SORBS2: variants seen among roughly 807,000 people sequenced by gnomAD.
SORBS2 encodes sorbin and SH3 domain containing 2.
SORBS2 carries 46 observed loss-of-function variants against 97.7 expected under a neutral mutation model. That is an observed-to-expected ratio of 0.47 (90% CI 0.37 to 0.60). SORBS2 has a LOEUF of 0.60. SORBS2 is among the 20% of genes least tolerant of loss of function. SORBS2 has a pLI of 0.00. For missense variants in SORBS2, 1,316 were observed against 1,282.3 expected (o/e 1.03, Z -0.40); for synonymous variants, 476 against 473.4 (o/e 1.01, Z -0.07).
intron 1 of SORBS2, among the ~76,000 whole-genome samples, chr4:185,891,508 T>G (rs1166403248): frequency 6.6e-6 from 1 of 152,224 alleles, no homozygotes; most frequent in Non-Finnish European, 1.5e-5. Context: ...CAATTATTTC[T>G]GCAGATAGCA....
intron 4 of SORBS2, among the ~76,000 whole-genome samples, chr4:185,670,742 T>C (rs1196445188): frequency 1.3e-5 from 2 of 151,724 alleles, no homozygotes; most frequent in East Asian, 1.9e-4. Flanking sequence ...TTAGGGAAAA[T>C]GTGCCCCCTC....
At chr4:185,768,295 G>T (rs565248451) in intron 2 of SORBS2, among the ~76,000 whole-genome samples, 1 of 152,120 alleles carries the variant, frequency 6.6e-6, no homozygotes, top group Non-Finnish European at 1.5e-5. Context: ...AATGCACAAT[G>T]TTCTCACGTC....
chr4:185,765,662 T>C (rs576028314), intron 2 of SORBS2, among the ~76,000 whole-genome samples: 1 of 152,322 alleles, frequency 6.6e-6, no homozygotes, highest in East Asian at 1.9e-4. Context: ...TCTAAATTAA[T>C]TTCCAAATAT....
intron 2 of SORBS2, among the ~76,000 whole-genome samples, chr4:185,688,792 A>G (rs1163960130): frequency 8.3e-6 from 1 of 120,666 alleles, no homozygotes; most frequent in African/African-American, 2.6e-5. Flanking sequence ...GTTTTTATAA[A>G]AACATTATAA....
At chr4:185,908,286 T>C (rs1208642011) in intron 1 of SORBS2, among the ~76,000 whole-genome samples, 3 of 24,882 alleles carry the variant, frequency 1.2e-4, no homozygotes, top group Non-Finnish European at 2.6e-4. Context: ...GCTATATATA[T>C]ATATATATAT....
At chr4:185,747,496 T>C (rs962950148) in intron 2 of SORBS2, among the ~76,000 whole-genome samples, 1 of 152,142 alleles carries the variant, frequency 6.6e-6, no homozygotes, top group African/African-American at 2.4e-5. Flanking sequence ...TGCTCAGGGG[T>C]ACCTGGCCCC....
At chr4:185,622,412 C>A (rs1442000944) in intron 7 of SORBS2, among the ~76,000 whole-genome samples, 4 of 152,198 alleles carry the variant, frequency 2.6e-5, no homozygotes, top group Non-Finnish European at 5.9e-5. Context: ...ACCCTAATTT[C>A]TTTGTGTCCA....
intron 12 of SORBS2, among the ~76,000 whole-genome samples, chr4:185,600,239 C>T (rs1035637063): frequency 1.2e-4 from 19 of 152,230 alleles, no homozygotes; most frequent in African/African-American, 4.6e-4. Flanking sequence ...CACCAGCTGC[C>T]ATCTTAACAT....
chr4:185,658,456 A>G (rs904140082), upstream of SORBS2, among the ~76,000 whole-genome samples: 3 of 152,184 alleles, frequency 2.0e-5, no homozygotes, highest in Non-Finnish European at 4.4e-5. Flanking sequence ...TATGATTAAT[A>G]ATATGCCTTT....
Position 185,606,875 on chromosome 4 carries a change from C to T in SORBS2, c.2796+4905G>A. The T allele has an allele frequency of 2.0e-6, 2 of 987,470 alleles. No individual in the cohort carries two copies. The highest frequency in any genetic ancestry group is 9.3e-5 in the South Asian group (2 of 21,424). The allele number at this position is 987,470 out of a possible 1,614,324, so 61.2% of individuals were successfully genotyped here. A position where few individuals can be genotyped will look rare whatever the true frequency, so the allele number is the denominator to read the frequency against. On this transcript the variant is annotated intron_variant, in intron 12 of 14. Coordinates refer to ENST00000418609, the Ensembl canonical transcript of SORBS2. The surrounding 1 kb of genome is among the most constrained non-coding windows in gnomAD (Gnocchi z 4.3). ...GAACCCACGCTGGTGCACGCAGAGG[C>T]CACAAAATTATCCCCTAGGACTTCT...
At chr4:185,683,850 T>G (rs924369990) in intron 2 of SORBS2, among the ~76,000 whole-genome samples, 1 of 152,184 alleles carries the variant, frequency 6.6e-6, no homozygotes, top group Admixed American at 6.5e-5. Context: ...CCCTGAGTAT[T>G]TAATCAACTT....
chr4:185,925,542 T>C (rs2099263183), intron 1 of SORBS2, among the ~76,000 whole-genome samples: 1 of 152,232 alleles, frequency 6.6e-6, no homozygotes, highest in South Asian at 2.1e-4. Context: ...CATAGTCGCA[T>C]ATTCAAAATA....
chr4:185,841,485 A>G (rs1291864540), intron 1 of SORBS2, among the ~76,000 whole-genome samples: 1 of 152,224 alleles, frequency 6.6e-6, no homozygotes, highest in Non-Finnish European at 1.5e-5. Flanking sequence ...TGAAGGTGCC[A>G]GAGCCCCAGA....
At chr4:185,805,935 T>C (rs1042847388) in intron 1 of SORBS2, among the ~76,000 whole-genome samples, 6 of 152,196 alleles carry the variant, frequency 3.9e-5, no homozygotes, top group African/African-American at 9.6e-5. Flanking sequence ...ACTGAAATAA[T>C]TGGGTGTGAA....
chr4:185,736,419 C>T (rs2098688144), intron 2 of SORBS2, among the ~76,000 whole-genome samples: 1 of 152,122 alleles, frequency 6.6e-6, no homozygotes, highest in Non-Finnish European at 1.5e-5. Context: ...AGAAGCCTGA[C>T]CACAAAGCAA....
intron 1 of SORBS2, among the ~76,000 whole-genome samples, chr4:185,780,274 C>T (rs1362902100): frequency 2.6e-5 from 4 of 152,132 alleles, no homozygotes; most frequent in Non-Finnish European, 4.4e-5. Flanking sequence ...CTCAGCCTCC[C>T]AAAGTGCTGG....
chr4:185,884,203 C>A (rs2099238223), intron 1 of SORBS2, among the ~76,000 whole-genome samples: 1 of 152,106 alleles, frequency 6.6e-6, no homozygotes, highest in Non-Finnish European at 1.5e-5. Context: ...CCTCAATAAA[C>A]CTGACTATAA....
intron 1 of SORBS2, among the ~76,000 whole-genome samples, chr4:185,800,823 G>A (rs757181148): frequency 7.2e-5 from 11 of 152,144 alleles, no homozygotes; most frequent in Non-Finnish European, 1.3e-4. Flanking sequence ...GGTGAACCAC[G>A]GGCTGCTTTG....
At position 185,647,046 on chromosome 4, in the gene SORBS2, T is replaced by C. The variant is rs182927711; in HGVS notation, c.282-264A>G. Among the ~76,000 whole-genome samples, 400 of 152,322 alleles carry C rather than the reference T, an allele frequency of 2.6e-3. 1 individual carries two copies. Among genetic ancestry groups the C allele is most frequent in the African/African-American group, 8.8e-3 (365 of 41,570 alleles). ...TTTGTGCTTAAAATAGGTGGCAGTATGCTCTGCTGAACTATGAGCATTTAA... is the reference window on the plus strand; with the variant it reads ...TTTGTGCTTAAAATAGGTGGCAGTACGCTCTGCTGAACTATGAGCATTTAA... On this transcript the variant is annotated intron_variant, in intron 3 of 14. Coordinates refer to ENST00000418609, the Ensembl canonical transcript of SORBS2.
Sources: allele counts gnomAD v4.1 joint callset (sites outside exome capture counted in the v4.1 genomes callset), GRCh38; gene constraint gnomAD v4.1.1; non-coding constraint Gnocchi (gnomAD v3.1); transcripts MANE v1.5; gene names NCBI Gene and HGNC (gene_info 2026-07-23, HGNC 2026-07-21).